The following ZSWIM6 variants were observed in gnomAD, a reference collection of about 807,000 sequenced individuals.
ZSWIM6 encodes zinc finger SWIM domain-containing protein 6.
A neutral mutation model predicts 113.2 loss-of-function variants in ZSWIM6; 9 were observed. That is an observed-to-expected ratio of 0.08 (90% CI 0.05 to 0.14). ZSWIM6 has a LOEUF of 0.14. ZSWIM6 is among the 10% of genes least tolerant of loss of function. ZSWIM6 has a pLI of 1.00. For missense variants in ZSWIM6, 1,162 were observed against 1,552.2 expected, an observed-to-expected ratio of 0.75 and a Z score of 4.22; for synonymous variants, 611 against 606.5, an observed-to-expected ratio of 1.01 and a Z score of -0.11.
chr5:61,505,891 C>T (rs566997542), intron 4 of ZSWIM6, among the ~76,000 whole-genome samples: 3 of 151,810 alleles, frequency 2.0e-5, no homozygotes, highest in African/African-American at 7.3e-5. Flanking sequence ...GGATTACAGG[C>T]GTCCACCACC....
intron 1 of ZSWIM6, among the ~76,000 whole-genome samples, chr5:61,435,920 G>A (rs1224609045): frequency 1.3e-5 from 2 of 152,100 alleles, no homozygotes; most frequent in Non-Finnish European, 2.9e-5. Flanking sequence ...TTAGTCACTA[G>A]GCTGGGCGCA....
intron 3 of ZSWIM6, among the ~76,000 whole-genome samples, chr5:61,491,451 C>T (rs1318723526): frequency 1.3e-5 from 2 of 151,994 alleles, no homozygotes; most frequent in Non-Finnish European, 2.9e-5. Context: ...TTAATTTTCT[C>T]ATTCAGAAAA....
At chr5:61,421,035 T>G (rs1746345294) in intron 1 of ZSWIM6, among the ~76,000 whole-genome samples, 1 of 151,954 alleles carries the variant, frequency 6.6e-6, no homozygotes. Context: ...TGCTCATGTC[T>G]CAGTCTCCGA....
At chr5:61,456,903 C>CT (rs57733333) in intron 1 of ZSWIM6, among the ~76,000 whole-genome samples, 54,993 of 144,490 alleles carry the variant, frequency 0.38, 10,139 homozygotes, top group South Asian at 0.43. Context: ...TTTTTTTTTT[C>CT]TTTTTTTTAT....
chr5:61,431,758 C>T (rs958815551), intron 1 of ZSWIM6, among the ~76,000 whole-genome samples: 1 of 151,782 alleles, frequency 6.6e-6, no homozygotes, highest in South Asian at 2.1e-4. Flanking sequence ...AAAAACAAAA[C>T]AAAAAAACAA....
intron 4 of ZSWIM6, among the ~76,000 whole-genome samples, chr5:61,498,563 A>G (rs1748381093): frequency 6.6e-6 from 1 of 152,196 alleles, no homozygotes; most frequent in Non-Finnish European, 1.5e-5. Flanking sequence ...GGTGCTAGAT[A>G]GATTGAGTGG....
At chr5:61,408,756 C>G (rs1746091338) in intron 1 of ZSWIM6, among the ~76,000 whole-genome samples, 1 of 152,268 alleles carries the variant, frequency 6.6e-6, no homozygotes, top group Admixed American at 6.5e-5. Context: ...CAAACCTTTG[C>G]TTTCCTCACT....
At chr5:61,506,491 G>A (rs185206716) in intron 4 of ZSWIM6, among the ~76,000 whole-genome samples, 157 of 152,038 alleles carry the variant, frequency 1.0e-3, no homozygotes, top group African/African-American at 3.6e-3. Flanking sequence ...GCTAAGGTAG[G>A]AGAACTCGAG....
At chr5:61,478,772 G>A (rs1747777320) in intron 2 of ZSWIM6, among the ~76,000 whole-genome samples, 1 of 152,028 alleles carries the variant, frequency 6.6e-6, no homozygotes, top group East Asian at 1.9e-4. Context: ...AGAAATGCCA[G>A]AATGAATGAT....
intron 4 of ZSWIM6, among the ~76,000 whole-genome samples, chr5:61,496,218 G>A (rs1009035381): frequency 2.0e-5 from 3 of 151,978 alleles, no homozygotes; most frequent in Non-Finnish European, 4.4e-5. Flanking sequence ...TCAGTCCAGC[G>A]TAAAGACCAC....
intron 1 of ZSWIM6, among the ~76,000 whole-genome samples, chr5:61,423,312 G>A (rs977187655): frequency 6.6e-6 from 1 of 151,966 alleles, no homozygotes; most frequent in African/African-American, 2.4e-5. Flanking sequence ...GTAGGCTGAG[G>A]CAGGAGAATC....
intron 1 of ZSWIM6, among the ~76,000 whole-genome samples, chr5:61,440,050 T>G (rs565084208): frequency 1.3e-5 from 2 of 151,982 alleles, no homozygotes; most frequent in South Asian, 4.2e-4. Flanking sequence ...TCAGGAAGTA[T>G]GGGAATATGG....
chr5:61,509,022 C>T (rs754349265), intron 4 of ZSWIM6, among the ~76,000 whole-genome samples: 16 of 152,076 alleles, frequency 1.1e-4, no homozygotes, highest in Non-Finnish European at 2.1e-4. Flanking sequence ...CACTTCATGC[C>T]TTCTTCTAAT....
chr5:61,405,039 A>G (rs531331466), intron 1 of ZSWIM6, among the ~76,000 whole-genome samples: 1 of 152,372 alleles, frequency 6.6e-6, no homozygotes, highest in South Asian at 2.1e-4. Flanking sequence ...AAATAAGGCC[A>G]TAAATACGAA....
At chr5:61,394,299 T>C (rs1307726805) in intron 1 of ZSWIM6, among the ~76,000 whole-genome samples, 1 of 152,116 alleles carries the variant, frequency 6.6e-6, no homozygotes, top group Admixed American at 6.5e-5. Flanking sequence ...TTTGGGAGAG[T>C]GTGCCCTTGT....
chr5:61,338,437 A>G (rs1451617279), intron 1 of ZSWIM6, among the ~76,000 whole-genome samples: 2 of 152,206 alleles, frequency 1.3e-5, no homozygotes, highest in Non-Finnish European at 2.9e-5. Context: ...AATGAAATAC[A>G]CAATACATTT....
chr5:61,442,630 C>T (rs1331515580), intron 1 of ZSWIM6, among the ~76,000 whole-genome samples: 1 of 152,180 alleles, frequency 6.6e-6, no homozygotes, highest in Non-Finnish European at 1.5e-5. Flanking sequence ...CACAGGCTCT[C>T]CTAAATTGGC....
intron 1 of ZSWIM6, among the ~76,000 whole-genome samples, chr5:61,426,053 A>C (rs1746456887): frequency 6.6e-6 from 1 of 152,138 alleles, no homozygotes; most frequent in African/African-American, 2.4e-5. Flanking sequence ...GCTCTTTTAC[A>C]CTCAGCTATG....
chr5:61,460,179 T>G (rs1747293559), intron 1 of ZSWIM6, among the ~76,000 whole-genome samples: 1 of 152,226 alleles, frequency 6.6e-6, no homozygotes, highest in African/African-American at 2.4e-5. Context: ...GCCATACATG[T>G]CCAGGTAGTC....
Sources: gnomAD v4.1 joint callset for allele counts (sites outside exome capture counted in the v4.1 genomes callset) on GRCh38, gnomAD v4.1.1 for gene constraint, MANE v1.5 for transcripts, NCBI Gene and HGNC (gene_info 2026-07-23, HGNC 2026-07-21) for gene names.